Variants in FRAS1 observed in about 807,000 individuals in gnomAD.
FRAS1 encodes the protein extracellular matrix organizing protein FRAS1.
In FRAS1, 290 loss-of-function variants were observed where a neutral mutation model predicts 435.2. That is an observed-to-expected ratio of 0.67 (90% CI 0.61 to 0.73). The LOEUF is 0.73. Among genes scored for constraint, FRAS1 ranks in the 30% least tolerant of loss-of-function variants. FRAS1 has a pLI of 0.00. For synonymous variants in FRAS1, 1,800 were observed against 1,851.0 expected, an observed-to-expected ratio of 0.97 and a Z score of 0.71; for missense variants, 4,860 against 5,001.5, an observed-to-expected ratio of 0.97 and a Z score of 0.85.
intron 17 of FRAS1, 146 bp downstream of exon 17, chr4:78,317,654 A>G (rs921362960): frequency 1.3e-6 from 1 of 763,850 alleles, no homozygotes; most frequent in African/African-American, 1.8e-5. Context: ...TTTTCATTAC[A>G]GTAGTTTTGC....
chr4:78,443,874 G>T (rs1297707898), intron 41 of FRAS1, among the ~76,000 whole-genome samples: 2 of 151,962 alleles, frequency 1.3e-5, no homozygotes, highest in Admixed American at 6.6e-5. Flanking sequence ...TTTGAGACAG[G>T]GTCTCGCCTC....
intron 62 of FRAS1, among the ~76,000 whole-genome samples, chr4:78,508,340 A>G (rs753770738): frequency 1.3e-5 from 2 of 152,202 alleles, no homozygotes; most frequent in African/African-American, 4.8e-5. Context: ...TACCACCTCT[A>G]TTTACTCTTA....
chr4:78,395,025 AAC>A, intron 29 of FRAS1, among the ~76,000 whole-genome samples: 1 of 151,980 alleles, frequency 6.6e-6, no homozygotes, highest in East Asian at 1.9e-4. Context: ...AGTATATGGA[AAC>A]ACATATTGCA....
chr4:78,366,055 A>C (rs887598352), intron 22 of FRAS1, among the ~76,000 whole-genome samples: 1 of 152,192 alleles, frequency 6.6e-6, no homozygotes, highest in African/African-American at 2.4e-5. Context: ...TTCTGCAATA[A>C]GGGCTTTTGA....
At chr4:78,463,717 C>T (rs961020588) in intron 47 of FRAS1, among the ~76,000 whole-genome samples, 1 of 152,176 alleles carries the variant, frequency 6.6e-6, no homozygotes, top group Non-Finnish European at 1.5e-5. Context: ...AATGGCTCTA[C>T]CTTTCACAAA....
At chr4:78,116,569 C>G (rs187342868) in intron 2 of FRAS1, among the ~76,000 whole-genome samples, 34 of 152,302 alleles carry the variant, frequency 2.2e-4, no homozygotes, top group Non-Finnish European at 4.3e-4. Flanking sequence ...GAATTGATCC[C>G]TTTACCATTA....
At chr4:78,433,656 G>A (rs1734298188) in intron 38 of FRAS1, among the ~76,000 whole-genome samples, 1 of 152,128 alleles carries the variant, frequency 6.6e-6, no homozygotes, top group African/African-American at 2.4e-5. Context: ...GTCTATTCTA[G>A]TTTCAGAACA....
rs566795377 is a variant in FRAS1, at chr4:78,431,858, T to C, written c.4970-499T>C. Among the ~76,000 whole-genome samples, 16 of 152,308 alleles carry C rather than the reference T, an allele frequency of 1.1e-4. No homozygotes were observed. The South Asian group carries it at 3.3e-3, about 32-fold the overall frequency. On this transcript the variant is annotated intron_variant, in intron 37 of 73. Coordinates refer to ENST00000512123, the MANE Select transcript of FRAS1 (RefSeq NM_025074.7). The stretch of plus-strand genomic sequence containing the variant: ...AGACTGCACAGTTTAGGTTTCTAAC[T>C]TAAAGTATATTTTTTTCATTTTTAA...
chr4:78,388,214 A>G (rs536708176), intron 29 of FRAS1, among the ~76,000 whole-genome samples: 1 of 151,592 alleles, frequency 6.6e-6, no homozygotes, highest in Admixed American at 6.6e-5. Context: ...AGTCCTAGCT[A>G]CTCGGGAGGC....
At chr4:78,404,750 C>A (rs898334747) in intron 30 of FRAS1, among the ~76,000 whole-genome samples, 17 of 152,218 alleles carry the variant, frequency 1.1e-4, no homozygotes, top group African/African-American at 4.1e-4. Flanking sequence ...AGTTCAGGTT[C>A]CCATCTCTCC....
intron 20 of FRAS1, among the ~76,000 whole-genome samples, chr4:78,356,637 C>G (rs1462111830): frequency 2.6e-5 from 4 of 152,100 alleles, no homozygotes; most frequent in African/African-American, 9.7e-5. Flanking sequence ...AGAAAAGGGG[C>G]TTCTGCAGAT....
intron 2 of FRAS1, among the ~76,000 whole-genome samples, chr4:78,118,111 C>T (rs1254611359): frequency 6.6e-6 from 1 of 152,202 alleles, no homozygotes; most frequent in Non-Finnish European, 1.5e-5. Context: ...ACCCTCTTTG[C>T]CTGGGTATCA....
Position 78,540,768 on chromosome 4 carries a change from G to T in FRAS1, c.11683G>T (p.Val3895Leu). Residue 3895 changes from valine to leucine, a missense_variant, in exon 74 of 74, where the codon GTA becomes TTA. Transcript: ENST00000512123. ...GAATCTGGAGATGCAAGAGTTGGCG[G>T]TAGCTGCGTCCCTGTCACAGACTGG... is the stretch of plus-strand genomic sequence containing the variant. ...SLNLEMQELA[V>L]AASLSQTGAS... The T allele has an allele frequency of 6.2e-7, 1 of 1,613,814 alleles. No individual in the cohort carries two copies. Among genetic ancestry groups the T allele is most frequent in the Non-Finnish European group, 8.5e-7 (1 of 1,179,784 alleles).
intron 14 of FRAS1, among the ~76,000 whole-genome samples, chr4:78,289,356 A>G (rs1727773049): frequency 6.6e-6 from 1 of 152,194 alleles, no homozygotes; most frequent in Non-Finnish European, 1.5e-5. Flanking sequence ...AAACTGAATA[A>G]TGTTGTAATT....
intron 2 of FRAS1, among the ~76,000 whole-genome samples, chr4:78,232,546 A>C (rs1023071213): frequency 2.6e-5 from 4 of 152,138 alleles, no homozygotes; most frequent in Non-Finnish European, 5.9e-5. Context: ...CAGCCTCCCA[A>C]AGTGCTGGGA....
At chr4:78,168,000 C>T (rs1015558620) in intron 2 of FRAS1, among the ~76,000 whole-genome samples, 4 of 151,948 alleles carry the variant, frequency 2.6e-5, no homozygotes, top group African/African-American at 9.7e-5. Context: ...AAGCAATTCT[C>T]CTAATTTTTG....
At chr4:78,335,652 A>G (rs922799624) in intron 19 of FRAS1, among the ~76,000 whole-genome samples, 2 of 152,228 alleles carry the variant, frequency 1.3e-5, no homozygotes, top group Non-Finnish European at 2.9e-5. Context: ...CTTGTATGGA[A>G]TCAAGAATTT....
At position 78,438,733 on chromosome 4, in the gene FRAS1, T is replaced by C; in HGVS notation, c.5366+15T>C. The C allele has an allele frequency of 6.4e-7, 1 of 1,564,630 alleles. No homozygotes were observed. Among genetic ancestry groups the C allele is most frequent in the South Asian group, 1.2e-5 (1 of 84,632 alleles). ...AAGAAAATCAGGTACATAATCACTT[T>C]GTATTATTTGACAGATTCTTAAAAA... On this transcript the variant is annotated intron_variant, in intron 39 of 73. Coordinates refer to ENST00000512123, the MANE Select transcript of FRAS1 (RefSeq NM_025074.7).
intron 2 of FRAS1, among the ~76,000 whole-genome samples, chr4:78,138,496 C>A (rs1720022233): frequency 6.6e-6 from 1 of 152,136 alleles, no homozygotes; most frequent in Admixed American, 6.6e-5. Context: ...GAGGGTTATG[C>A]AATTTCTCTT....
Sources: gnomAD v4.1 joint callset for allele counts (sites outside exome capture counted in the v4.1 genomes callset) on GRCh38, gnomAD v4.1.1 for gene constraint, MANE v1.5 for transcripts, NCBI Gene and HGNC (gene_info 2026-07-23, HGNC 2026-07-21) for gene names.